The following GSN variants were observed in gnomAD, a reference collection of about 807,000 sequenced individuals.
GSN encodes the protein actin-depolymerizing factor.
GSN carries 56 observed loss-of-function variants against 85.7 expected under a neutral mutation model. That is an observed-to-expected ratio of 0.65 (90% CI 0.53 to 0.82). GSN has a LOEUF of 0.82. Among genes scored for constraint, GSN ranks in the 40% least tolerant of loss-of-function variants. GSN has a pLI of 0.00. For missense variants in GSN, 857 were observed against 979.8 expected (o/e 0.87, Z 1.67); for synonymous variants, 373 against 399.1 (o/e 0.93, Z 0.78).
Position 121,317,084 on chromosome 9 carries a change from A to G in GSN, c.754-2A>G. The G allele has an allele frequency of 2.5e-6, 4 of 1,614,152 alleles. No individual in the cohort carries two copies. Among genetic ancestry groups the G allele is most frequent in the Non-Finnish European group, 3.4e-6 (4 of 1,180,008 alleles). ...CTGGTTCCTTCTGCTTCGTCCCCTC[A>G]GGTCTCCAATGGTGCAGGGACCATG... On this transcript the variant is annotated splice_acceptor_variant, in intron 7 of 17. Coordinates refer to ENST00000432226, the MANE Select transcript of GSN (RefSeq NM_198252.3). LOFTEE classifies it high-confidence loss of function.
intron 4 of GSN, among the ~76,000 whole-genome samples, chr9:121,218,278 TGC>T (rs2054104072): frequency 6.6e-6 from 1 of 152,028 alleles, no homozygotes; most frequent in African/African-American, 2.4e-5. Context: ...CGATTTTGGG[TGC>T]ACATGCTGTG....
chr9:121,222,734 G>C (rs1488472747), intron 4 of GSN, among the ~76,000 whole-genome samples: 2 of 152,294 alleles, frequency 1.3e-5, no homozygotes, highest in South Asian at 2.1e-4. Context: ...TTTTTCTGAG[G>C]TGTTTAAGGC....
At chr9:121,274,421 G>A (rs191853530) in intron 1 of GSN, among the ~76,000 whole-genome samples, 2 of 151,930 alleles carry the variant, frequency 1.3e-5, no homozygotes, top group East Asian at 1.9e-4. Context: ...TACTTTTTTT[G>A]TGTGTTCTTC....
At chr9:121,243,057 T>G (rs2054635929) in intron 5 of GSN, among the ~76,000 whole-genome samples, 1 of 152,138 alleles carries the variant, frequency 6.6e-6, no homozygotes, top group Admixed American at 6.5e-5. Context: ...ACACAATTTA[T>G]TCTCTTAAAG....
rs1385507807 is a variant in GSN at position 121,331,437 on chromosome 9, C to G, written c.2015C>G (p.Ala672Gly). Residue 672 changes from alanine (A) to glycine (G), a missense_variant, in exon 17 of 18, where the codon GCC (alanine) becomes GGC (glycine). By Grantham distance (60) the Ala-to-Gly change is moderately conservative. Transcript: ENST00000432226. ...KDSQEEEKTEALTSAKRYIET... is the reference protein window; with the variant it reads ...KDSQEEEKTEGLTSAKRYIET... ...TCTCAAGAAGAAGAAAAGACAGAAG[C>G]CTTGACTTCTGGTGAGGACCCGAGT... is the stretch of plus-strand genomic sequence containing the variant. 1.7e-5 allele frequency: 28 copies of G among 1,601,648 alleles called. No individual in the cohort carries two copies. Among genetic ancestry groups the G allele is most frequent in the Non-Finnish European group, 2.3e-5 (27 of 1,171,878 alleles).
intron 5 of GSN, among the ~76,000 whole-genome samples, chr9:121,245,012 T>G (rs2054672099): frequency 6.6e-6 from 1 of 152,140 alleles, no homozygotes; most frequent in South Asian, 2.1e-4. Flanking sequence ...AAACATTTTA[T>G]GTAATTACAT....
intron 6 of GSN, among the ~76,000 whole-genome samples, chr9:121,249,181 G>A (rs939106732): frequency 2.0e-5 from 3 of 152,124 alleles, no homozygotes; most frequent in Non-Finnish European, 2.9e-5. Flanking sequence ...GCAAGAGACT[G>A]GGCGTGGTGG....
chr9:121,263,340 T>G (rs1234981894), upstream of GSN, among the ~76,000 whole-genome samples: 1 of 152,170 alleles, frequency 6.6e-6, no homozygotes, highest in Non-Finnish European at 1.5e-5. Flanking sequence ...AATAGTGAAA[T>G]ATAGTAAAAT....
At chr9:121,224,265 T>G (rs113649911) in intron 4 of GSN, among the ~76,000 whole-genome samples, 2 of 151,910 alleles carry the variant, frequency 1.3e-5, no homozygotes. Context: ...CCCGGCTAAT[T>G]TTTTAAAAAA....
intron 1 of GSN, among the ~76,000 whole-genome samples, chr9:121,278,201 G>A (rs958677919): frequency 2.0e-5 from 3 of 152,170 alleles, no homozygotes; most frequent in Non-Finnish European, 4.4e-5. Context: ...ACCTCTCTGA[G>A]CTTGTGTCCT....
intron 14 of GSN, among the ~76,000 whole-genome samples, chr9:121,328,654 A>G (rs1274060869): frequency 6.6e-6 from 1 of 152,162 alleles, no homozygotes; most frequent in African/African-American, 2.4e-5. Flanking sequence ...GTCAGCCTCA[A>G]GCCAATAGTG....
At chr9:121,234,234 G>C (rs535791046) in intron 5 of GSN, among the ~76,000 whole-genome samples, 1 of 152,304 alleles carries the variant, frequency 6.6e-6, no homozygotes, top group East Asian at 1.9e-4. Flanking sequence ...CTGGAAAATG[G>C]TATCTTGATT....
chr9:121,293,080 C>T (rs1255201796), intron 2 of GSN, among the ~76,000 whole-genome samples: 2 of 152,188 alleles, frequency 1.3e-5, no homozygotes, highest in Admixed American at 1.3e-4. Context: ...AAGCCAGCAG[C>T]AGGAGGGATG....
At chr9:121,288,390 G>A (rs532740210) in intron 2 of GSN, among the ~76,000 whole-genome samples, 5 of 152,164 alleles carry the variant, frequency 3.3e-5, no homozygotes, top group South Asian at 2.1e-4. Context: ...AGTGTCTGAC[G>A]CACCCGAGGA....
intron 5 of GSN, chr9:121,239,467 G>A: frequency 2.7e-6 from 1 of 364,978 alleles, no homozygotes; most frequent in Non-Finnish European, 5.4e-6. Context: ...ATTTTCCTCA[G>A]TGTAGTCTAC....
At chr9:121,227,023 A>G (rs866752377) in intron 4 of GSN, among the ~76,000 whole-genome samples, 1 of 152,154 alleles carries the variant, frequency 6.6e-6, no homozygotes, top group Non-Finnish European at 1.5e-5. Flanking sequence ...AGCTCCTGCA[A>G]TCAGCACCTC....
chr9:121,265,428 AATT>A (rs1340842273), upstream of GSN: 7 of 152,326 alleles, frequency 4.6e-5, no homozygotes, highest in Admixed American at 4.6e-4. Context: ...AGACCCAGTT[AATT>A]AACCATGATT....
intron 4 of GSN, among the ~76,000 whole-genome samples, chr9:121,212,717 C>T (rs1374278585): frequency 6.6e-6 from 1 of 150,750 alleles, no homozygotes; most frequent in African/African-American, 2.4e-5. Context: ...GATCTCTACT[C>T]ACTGCAACCT....
At chr9:121,287,004 A>T (rs868350535) in intron 2 of GSN, among the ~76,000 whole-genome samples, 41 of 152,232 alleles carry the variant, frequency 2.7e-4, no homozygotes, top group Admixed American at 4.6e-4. Context: ...GCAGATGGGG[A>T]CGTTCATTCC....
Sources: gnomAD v4.1 joint callset for allele counts (sites outside exome capture counted in the v4.1 genomes callset) on GRCh38, gnomAD v4.1.1 for gene constraint, MANE v1.5 for transcripts, NCBI Gene and HGNC (gene_info 2026-07-23, HGNC 2026-07-21) for gene names.